POLR1F: variants seen among roughly 807,000 people sequenced by gnomAD.
POLR1F encodes the protein RNA polymerase I subunit F, also known as DNA-directed RNA polymerase I subunit RPA43.
POLR1F carries 23 observed loss-of-function variants against 21.8 expected under a neutral mutation model. That is an observed-to-expected ratio of 1.05 (90% CI 0.76 to 1.49). The LOEUF is 1.49. Ranked by LOEUF, POLR1F falls within the 40% of genes most tolerant of loss-of-function variation. The pLI is 0.00. For missense variants in POLR1F, 435 were observed against 412.1 expected, an observed-to-expected ratio of 1.06 and a Z score of -0.48; for synonymous variants, 162 against 152.8, an observed-to-expected ratio of 1.06 and a Z score of -0.45.
intron 1 of POLR1F, among the ~76,000 whole-genome samples, chr7:19,708,414 GATAAATGA>G (rs1396698294): frequency 6.6e-6 from 1 of 152,194 alleles, no homozygotes; most frequent in African/African-American, 2.4e-5. Flanking sequence ...TCCGTAAGGG[GATAAATGA>G]AACGTTGAAT....
At chr7:19,707,816 C>A (rs1037865828) in intron 1 of POLR1F, among the ~76,000 whole-genome samples, 2 of 151,998 alleles carry the variant, frequency 1.3e-5, no homozygotes, top group Admixed American at 1.3e-4. Flanking sequence ...TATAAACATA[C>A]AAGAAGTGTA....
In POLR1F at chr7:19,696,772, T is replaced by C. The variant is rs1762651980; in HGVS notation, c.*1544A>G. 1 of 152,130 alleles carries C rather than the reference T, an allele frequency of 6.6e-6. No individual in the cohort carries two copies. Among genetic ancestry groups the C allele is most frequent in the Non-Finnish European group, 1.5e-5 (1 of 67,952 alleles). 9.4% of individuals were successfully genotyped at this position (152,130 alleles called of 1,614,324 possible). A position where few individuals can be genotyped will look rare whatever the true frequency, so the allele number is the denominator to read the frequency against. ...TTATTTAAGCCACTATACCAAGACATATTGATTTCACCAATATAAAAATTG... is the reference window on the plus strand; with the variant it reads ...TTATTTAAGCCACTATACCAAGACACATTGATTTCACCAATATAAAAATTG... On this transcript the variant is annotated 3_prime_UTR_variant, in exon 4 of 4. Coordinates refer to ENST00000222567, the MANE Select transcript of POLR1F (RefSeq NM_001002926.2).
At chr7:19,700,871 A>G (rs1390048478) in intron 2 of POLR1F, among the ~76,000 whole-genome samples, 2 of 152,232 alleles carry the variant, frequency 1.3e-5, no homozygotes, top group Admixed American at 6.5e-5. Flanking sequence ...CTAAATCACG[A>G]AAGTATTATT....
intron 1 of POLR1F, among the ~76,000 whole-genome samples, 162 bp downstream of exon 1, chr7:19,708,601 G>C (rs1420565871): frequency 6.6e-6 from 1 of 152,132 alleles, no homozygotes; most frequent in Non-Finnish European, 1.5e-5. Flanking sequence ...TACCAGAGCG[G>C]TACTGGCCTT....
chr7:19,700,184 G>A lies in POLR1F; in HGVS notation c.493C>T (p.Gln165Ter). Reference protein sequence around the residue: ...IPKPEQLSAEQWQTMEINMGD... With the variant: ...IPKPEQLSAE ...ATGTTTATCTCCATGGTTTGCCACT[G>A]CTCAGCTGACAACTGCTCAGGTTTA... is the stretch of plus-strand genomic sequence containing the variant. Residue 165 changes from glutamine (Q) to a stop codon, truncating the protein, a stop_gained, in exon 3 of 4, where the codon CAG becomes TAG. Coordinates refer to ENST00000222567, the MANE Select transcript of POLR1F (RefSeq NM_001002926.2). LOFTEE classifies it high-confidence loss of function. The A allele has an allele frequency of 6.2e-7, 1 of 1,613,838 alleles. No homozygotes were observed.
chr7:19,703,895 A>G (rs1783482307), intron 2 of POLR1F, among the ~76,000 whole-genome samples: 1 of 152,226 alleles, frequency 6.6e-6, no homozygotes, highest in African/African-American at 2.4e-5. Context: ...TGGCTGGCCT[A>G]CATGTTTATA....
At position 19,698,256 on chromosome 7, in the gene POLR1F, A is replaced by G; in HGVS notation, c.*60T>C. 1 of 1,412,862 alleles carries G rather than the reference A, an allele frequency of 7.1e-7. No homozygotes were observed. Among genetic ancestry groups the G allele is most frequent in the South Asian group, 1.8e-5 (1 of 56,702 alleles). The allele number at this position is 1,412,862 out of a possible 1,614,324, so 87.5% of individuals were successfully genotyped here. On this transcript the variant is annotated 3_prime_UTR_variant, in exon 4 of 4. Coordinates refer to ENST00000222567, the MANE Select transcript of POLR1F (RefSeq NM_001002926.2). ...TTAACCTTTTCATATCACTGAAAAC[A>G]TTTATTCATCTATTGTATGTAGATC...
intron 2 of POLR1F, among the ~76,000 whole-genome samples, chr7:19,702,721 A>G (rs1783461236): frequency 1.3e-5 from 2 of 152,226 alleles, no homozygotes; most frequent in Non-Finnish European, 2.9e-5. Flanking sequence ...TAATAAAAAT[A>G]CAAAAACCCA....
chr7:19,706,541 G>A (rs1373045301), intron 1 of POLR1F, among the ~76,000 whole-genome samples: 1 of 152,172 alleles, frequency 6.6e-6, no homozygotes, highest in East Asian at 1.9e-4. Flanking sequence ...AGTCTGTCAT[G>A]TACAGGACAG....
chr7:19,706,224 T>G (rs1204371111), intron 1 of POLR1F, among the ~76,000 whole-genome samples: 1 of 152,130 alleles, frequency 6.6e-6, no homozygotes, highest in Non-Finnish European at 1.5e-5. Context: ...AGAGACTTAC[T>G]CGGGAAAGCA....
intron 2 of POLR1F, among the ~76,000 whole-genome samples, chr7:19,702,852 T>C (rs552588487): frequency 3.3e-5 from 5 of 152,150 alleles, no homozygotes; most frequent in Non-Finnish European, 7.4e-5. Context: ...TGCCCATCAG[T>C]ACAATTAAAG....
chr7:19,707,414 G>A (rs1473945026), intron 1 of POLR1F, among the ~76,000 whole-genome samples: 1 of 152,098 alleles, frequency 6.6e-6, no homozygotes, highest in East Asian at 1.9e-4. Flanking sequence ...TGGCAGGAAG[G>A]GAAAAGCAAA....
chr7:19,701,896 C>T (rs1276006706), intron 2 of POLR1F, among the ~76,000 whole-genome samples: 1 of 151,852 alleles, frequency 6.6e-6, no homozygotes, highest in Non-Finnish European at 1.5e-5. Context: ...TACTCAGGGC[C>T]AGCGGCAGTG....
At chr7:19,704,484 A>C (rs1783489605) in intron 2 of POLR1F, among the ~76,000 whole-genome samples, 1 of 152,216 alleles carries the variant, frequency 6.6e-6, no homozygotes, top group African/African-American at 2.4e-5. Context: ...TGTAGAATTG[A>C]GAACTTTTGA....
intron 3 of POLR1F, among the ~76,000 whole-genome samples, chr7:19,699,018 A>G (rs1783416420): frequency 6.6e-6 from 1 of 152,114 alleles, no homozygotes; most frequent in Non-Finnish European, 1.5e-5. Context: ...ATGACATAAA[A>G]ATCTTGTCAA....
rs1008112656 is a variant in POLR1F at position 19,697,318 on chromosome 7, C to T, written c.*998G>A. ...ATCTATCTTGTTTGCCATTGTATCC[C>T]TGGGCCTTAGCAGAATGTGTTATAC... On this transcript the variant is annotated 3_prime_UTR_variant, in exon 4 of 4. Coordinates refer to ENST00000222567, the MANE Select transcript of POLR1F (RefSeq NM_001002926.2). The T allele has an allele frequency of 6.6e-6, 1 of 152,030 alleles. No homozygotes were observed. Among genetic ancestry groups the T allele is most frequent in the East Asian group, 1.9e-4 (1 of 5,196 alleles). 9.4% of individuals were successfully genotyped at this position (152,030 alleles called of 1,614,324 possible). A position where few individuals can be genotyped will look rare whatever the true frequency, so the allele number is the denominator to read the frequency against.
rs1225856781 is a variant in POLR1F, at chr7:19,697,525, C to CCAAT, written c.*787_*790dup. Reference sequence around the variant, plus strand: ...TCAGCACAATATCTTATAGCCCATTCCAATCATTAAAAAGTAATCTGAAAT... The same window carrying CCAAT: ...TCAGCACAATATCTTATAGCCCATTCCAATCAATCATTAAAAAGTAATCTGAAAT... On this transcript the variant is annotated 3_prime_UTR_variant, in exon 4 of 4. Transcript: ENST00000222567. 6.6e-6 allele frequency: 1 copy of CCAAT among 152,136 alleles called. No individual in the cohort carries two copies. Among genetic ancestry groups the CCAAT allele is most frequent in the Non-Finnish European group, 1.5e-5 (1 of 67,990 alleles). The allele number at this position is 152,136 out of a possible 1,614,324, so 9.4% of individuals were successfully genotyped here.
intron 1 of POLR1F, 49 bp from the exon 2 acceptor site, chr7:19,704,969 A>C: frequency 6.5e-7 from 1 of 1,531,724 alleles, no homozygotes; most frequent in Non-Finnish European, 8.7e-7. Context: ...TCTTTTATTT[A>C]TTTATGTTTT....
intron 1 of POLR1F, among the ~76,000 whole-genome samples, 172 bp downstream of exon 1, chr7:19,708,591 T>C (rs564276720): frequency 2.0e-4 from 31 of 152,276 alleles, no homozygotes; most frequent in African/African-American, 7.0e-4. Context: ...TATAGATCTT[T>C]ACCAGAGCGG....
Sources: allele counts gnomAD v4.1 joint callset (sites outside exome capture counted in the v4.1 genomes callset), GRCh38; gene constraint gnomAD v4.1.1; transcripts MANE v1.5; gene names NCBI Gene and HGNC (gene_info 2026-07-23, HGNC 2026-07-21).